Variants in UGT1A6 observed in about 807,000 individuals in gnomAD.
UGT1A6 encodes UDP glucuronosyltransferase family 1 member A6.
In UGT1A6, 32 loss-of-function variants were observed where a neutral mutation model predicts 44.4. The observed-to-expected ratio is 0.72, with a 90% CI of 0.54 to 0.97. The LOEUF (loss-of-function observed/expected upper bound fraction) is 0.97. UGT1A6 is among the 50% of genes least tolerant of loss of function. The pLI is 0.00. For missense variants in UGT1A6, 685 were observed against 661.9 expected, an observed-to-expected ratio of 1.03 and a Z score of -0.38; for synonymous variants, 238 against 248.5, an observed-to-expected ratio of 0.96 and a Z score of 0.40.
At chr2:233,767,202 T>G in intron 2 of UGT1A6, 37 bp downstream of exon 2, 15 of 1,613,508 alleles carry the variant, frequency 9.3e-6, no homozygotes, top group Non-Finnish European at 1.3e-5. Flanking sequence ...ATATCTATTT[T>G]CACAGGAGCG....
chr2:233,719,696 T>C (rs748911565), intron 1 of UGT1A6: 44 of 1,613,934 alleles, frequency 2.7e-5, no homozygotes, highest in Middle Eastern at 1.6e-4. Context: ...AGGTCTGTAT[T>C]GGTGCCTTCA....
At chr2:233,707,180 T>G (rs2075945889) in intron 1 of UGT1A6, among the ~76,000 whole-genome samples, 2 of 152,156 alleles carry the variant, frequency 1.3e-5, no homozygotes, top group Non-Finnish European at 2.9e-5. Flanking sequence ...CCATCCTGGG[T>G]GCCTGCCCTC....
intron 1 of UGT1A6, among the ~76,000 whole-genome samples, chr2:233,730,659 C>T (rs572509077): frequency 5.9e-5 from 9 of 152,094 alleles, no homozygotes; most frequent in South Asian, 4.2e-4. Context: ...TCTCAGAGTT[C>T]GGAAGGCAAA....
Position 233,693,506 on chromosome 2 carries a change from G to T in UGT1A6, c.502G>T (p.Val168Leu). 1 of 1,614,138 alleles carries T rather than the reference G, an allele frequency of 6.2e-7. No homozygotes were observed. The highest frequency in any genetic ancestry group is 8.5e-7 in the Non-Finnish European group (1 of 1,180,026). The change falls in exon 1 of 5, where the codon GTG (valine) becomes TTG (leucine). Residue 168 changes from valine (V) to leucine (L), a missense_variant. Transcript: ENST00000305139. ...ILAEYLGLPSVYLFRGFPCSL... is the reference protein window; with the variant it reads ...ILAEYLGLPSLYLFRGFPCSL... ...GGCTGAGTATTTGGGCCTACCATCTGTGTACCTCTTCAGGGGTTTTCCGTG... is the reference window on the plus strand; with the variant it reads ...GGCTGAGTATTTGGGCCTACCATCTTTGTACCTCTTCAGGGGTTTTCCGTG...
chr2:233,768,554 T>C lies in UGT1A6; in HGVS notation c.1301+115T>C, dbSNP rs1402826015. On this transcript the variant is annotated intron_variant, in intron 4 of 4. Transcript: ENST00000305139. ...GCGTTGTTTCAAATATAAAAACAAA[T>C]ACATAAAAATCTGGATTTTTATTTC... 4 of 1,425,606 alleles carry C rather than the reference T, an allele frequency of 2.8e-6. No individual in the cohort carries two copies. In the African/African-American group the frequency reaches 5.8e-5, roughly 21 times the overall value. 88.3% of individuals were successfully genotyped at this position (1,425,606 alleles called of 1,614,324 possible). A position where few individuals can be genotyped will look rare whatever the true frequency, so the allele number is the denominator to read the frequency against.
chr2:233,706,273 C>T (rs549440001), intron 1 of UGT1A6, among the ~76,000 whole-genome samples: 5 of 152,218 alleles, frequency 3.3e-5, no homozygotes, highest in African/African-American at 7.2e-5. Flanking sequence ...TGCCCAACCT[C>T]AGGGGTGGGG....
At chr2:233,706,628 T>C (rs1559354797) in intron 1 of UGT1A6, among the ~76,000 whole-genome samples, 1 of 152,116 alleles carries the variant, frequency 6.6e-6, no homozygotes, top group African/African-American at 2.4e-5. Context: ...GAAATGAGTG[T>C]TTCTACTGTG....
chr2:233,704,199 C>A (rs1162056746), intron 1 of UGT1A6, among the ~76,000 whole-genome samples: 1 of 147,548 alleles, frequency 6.8e-6, no homozygotes, highest in Non-Finnish European at 1.5e-5. Context: ...CCCCATTTTA[C>A]TTTTTATGCT....
intron 1 of UGT1A6, among the ~76,000 whole-genome samples, chr2:233,748,850 A>G (rs542055799): frequency 6.6e-6 from 1 of 151,628 alleles, no homozygotes; most frequent in East Asian, 1.9e-4. Context: ...GTGAGCGTAT[A>G]AGCCCAGTTA....
chr2:233,733,854 T>C (rs1332608655), intron 1 of UGT1A6, among the ~76,000 whole-genome samples: 1 of 152,088 alleles, frequency 6.6e-6, no homozygotes, highest in East Asian at 1.9e-4. Flanking sequence ...CTTTTTCTAT[T>C]GATTGGAATA....
chr2:233,737,637 G>A (rs1475956364), intron 1 of UGT1A6, among the ~76,000 whole-genome samples: 4 of 152,182 alleles, frequency 2.6e-5, no homozygotes, highest in Admixed American at 6.5e-5. Context: ...CATCTTCTGC[G>A]TCGATCATGC....
intron 1 of UGT1A6, among the ~76,000 whole-genome samples, chr2:233,696,838 AC>A (rs1481479612): frequency 6.6e-6 from 1 of 152,124 alleles, no homozygotes; most frequent in Non-Finnish European, 1.5e-5. Context: ...TCATAAAGGG[AC>A]GTTGAATTTT....
Position 233,768,313 on chromosome 2 carries a change from T to C in UGT1A6, c.1175T>C (p.Leu392Ser). 6.2e-7 allele frequency: 1 copy of C among 1,614,194 alleles called. No individual in the cohort carries two copies. The highest frequency in any genetic ancestry group is 8.5e-7 in the Non-Finnish European group (1 of 1,180,048). ...CNGVPMVMMP[L>S]FGDQMDNAKR... The stretch of plus-strand genomic sequence containing the variant: ...GGCGTTCCCATGGTGATGATGCCCT[T>C]GTTTGGTGATCAGATGGACAATGCA... Residue 392 changes from leucine (L) to serine (S), a missense_variant, in exon 4 of 5, where the codon TTG becomes TCG. By Grantham distance (145) the Leu-to-Ser change is moderately radical. Coordinates refer to ENST00000305139, the MANE Select transcript of UGT1A6 (RefSeq NM_001072.4).
intron 1 of UGT1A6, among the ~76,000 whole-genome samples, chr2:233,737,806 C>A (rs575024235): frequency 6.6e-6 from 1 of 152,216 alleles, no homozygotes; most frequent in Non-Finnish European, 1.5e-5. Flanking sequence ...TCACTATCAT[C>A]TCAGTGGAGC....
At chr2:233,730,836 G>C (rs1337696398) in intron 1 of UGT1A6, among the ~76,000 whole-genome samples, 1 of 152,122 alleles carries the variant, frequency 6.6e-6, no homozygotes, top group African/African-American at 2.4e-5. Flanking sequence ...CTCAGGAGAG[G>C]CTCATCACAT....
intron 1 of UGT1A6, chr2:233,753,459 T>G (rs1411436879): frequency 6.6e-6 from 1 of 152,232 alleles, no homozygotes; most frequent in Non-Finnish European, 1.5e-5. Context: ...CCATGATTTT[T>G]CTGTAAAAAA....
intron 1 of UGT1A6, among the ~76,000 whole-genome samples, chr2:233,734,381 T>A (rs1311461253): frequency 1.3e-5 from 2 of 152,186 alleles, no homozygotes; most frequent in Non-Finnish European, 2.9e-5. Context: ...TTGCCTTTAC[T>A]ATTTTTTATT....
rs781199521 is a variant in UGT1A6, at chr2:233,693,110, G to A, written c.106G>A (p.Gly36Arg). The change falls in exon 1 of 5, where the codon GGA becomes AGA. Residue 36 changes from glycine to arginine, a missense_variant. Transcript: ENST00000305139. ...GDKLLVVPQD[G>R]SHWLSMKDIV... ...CAAGCTGCTGGTGGTCCCTCAGGAC[G>A]GAAGCCACTGGCTTAGTATGAAGGA... 5.7e-5 allele frequency: 92 copies of A among 1,614,038 alleles called. No individual in the cohort carries two copies. The highest frequency in any genetic ancestry group is 1.1e-4 in the African/African-American group (8 of 74,912).
Position 233,757,535 on chromosome 2 carries a change from A to AATATATATATATATATATAT in UGT1A6, c.862-9492_862-9473dup, listed in dbSNP as rs67292694. Among the ~76,000 whole-genome samples the AATATATATATATATATATAT allele has an allele frequency of 6.1e-3, 541 of 88,064 alleles. 3 individuals are homozygous for AATATATATATATATATATAT. The highest frequency in any genetic ancestry group is 0.013 in the East Asian group (47 of 3,574). The allele number at this position is 88,064 out of a possible 152,430, so 57.8% of individuals were successfully genotyped here. On this transcript the variant is annotated intron_variant, in intron 1 of 4. Coordinates refer to ENST00000305139, the MANE Select transcript of UGT1A6 (RefSeq NM_001072.4). ...CAAAGCCAAAATCTTGCCTGTAAGG[A>AATATATATATATATATATAT]ATATATATATATATATATATATATA...
Sources: allele counts gnomAD v4.1 joint callset (sites outside exome capture counted in the v4.1 genomes callset), GRCh38; gene constraint gnomAD v4.1.1; transcripts MANE v1.5; gene names NCBI Gene and HGNC (gene_info 2026-07-23, HGNC 2026-07-21).